Variants in ZNF234 observed in about 807,000 individuals in gnomAD.
ZNF234 encodes zinc finger protein 234, also known as C2-H2 type zinc finger protein.
A neutral mutation model predicts 10.3 loss-of-function variants in ZNF234; 4 were observed. The observed-to-expected ratio is 0.39, with a 90% CI of 0.19 to 0.89. ZNF234 has a LOEUF of 0.89. Ranked by LOEUF, ZNF234 falls within the 40% of genes least tolerant of loss-of-function variation. ZNF234 has a pLI of 0.38. For synonymous variants in ZNF234, 258 were observed against 280.1 expected, an observed-to-expected ratio of 0.92 and a Z score of 0.79; for missense variants, 711 against 836.1, an observed-to-expected ratio of 0.85 and a Z score of 1.85.
Position 44,143,760 on chromosome 19 carries a change from C to T in ZNF234, c.-76-797C>T, listed in dbSNP as rs147784876. Among the ~76,000 whole-genome samples, 141 of 152,198 alleles carry T rather than the reference C, an allele frequency of 9.3e-4. 3 individuals carry two copies. In the East Asian group the frequency reaches 0.02, roughly 22 times the overall value. On this transcript the variant is annotated intron_variant, in intron 2 of 5. Coordinates refer to ENST00000426739, the MANE Select transcript of ZNF234 (RefSeq NM_006630.3). ...CCAGGAGGAGAAGGTTGCAGTGAGC[C>T]AAGATTGCACCACTGCTCTCCAGCC...
chr19:44,150,601 CCT>C (rs761449696), intron 5 of ZNF234, 96 bp downstream of exon 5: 20 of 981,278 alleles, frequency 2.0e-5, no homozygotes, highest in Non-Finnish European at 2.9e-5. Flanking sequence ...AATTGCCAAA[CCT>C]CTGTCCTGGA....
In ZNF234 at chr19:44,156,184, C is replaced by T. The variant is rs1471323398; in HGVS notation, c.236-68C>T. The T allele has an allele frequency of 7.0e-6, 10 of 1,424,968 alleles. No homozygotes were observed. In the South Asian group the frequency reaches 7.1e-5, roughly 10 times the overall value. The allele number at this position is 1,424,968 out of a possible 1,614,324, so 88.3% of individuals were successfully genotyped here. A position where few individuals can be genotyped will look rare whatever the true frequency, so the allele number is the denominator to read the frequency against. ...TGGATTTGTTAAAATCGCATGCTCTCGCCTAAGTATGACATCTTGAAAACT... is the reference window on the plus strand; with the variant it reads ...TGGATTTGTTAAAATCGCATGCTCTTGCCTAAGTATGACATCTTGAAAACT... On this transcript the variant is annotated intron_variant, in intron 5 of 5. Transcript: ENST00000426739.
intron 3 of ZNF234, among the ~76,000 whole-genome samples, chr19:44,148,530 C>G (rs1330483336): frequency 6.6e-6 from 1 of 152,106 alleles, no homozygotes; most frequent in Non-Finnish European, 1.5e-5. Context: ...TGGTTACTTA[C>G]AAATAGACTC....
At position 44,157,291 on chromosome 19, in the gene ZNF234, A is replaced by C; in HGVS notation, c.1275A>C (p.Glu425Asp). ...TGCATCTGGTAGTCCACACAGGGGA[A>C]AAACCCTATAAATGTGAAGTATGTG... ...YQVHLVVHTG[E>D]KPYKCEVCGK... is the part of the protein sequence containing the mutation. The change falls in exon 6 of 6, where the codon GAA (glutamate) becomes GAC (aspartate). Residue 425 changes from glutamate to aspartate, a missense_variant. By Grantham distance (45) the Glu-to-Asp change is conservative (BLOSUM62 2). Coordinates refer to ENST00000426739, the MANE Select transcript of ZNF234 (RefSeq NM_006630.3). 6.2e-7 allele frequency: 1 copy of C among 1,613,788 alleles called. No individual in the cohort carries two copies. Among genetic ancestry groups the C allele is most frequent in the Non-Finnish European group, 8.5e-7 (1 of 1,179,860 alleles).
At chr19:44,146,760 T>C (rs1429001591) in intron 3 of ZNF234, among the ~76,000 whole-genome samples, 1 of 151,902 alleles carries the variant, frequency 6.6e-6, no homozygotes, top group African/African-American at 2.4e-5. Flanking sequence ...AACCTGCTTT[T>C]GGTCATCATA....
chr19:44,144,877 G>A (rs532435306), intron 3 of ZNF234, among the ~76,000 whole-genome samples: 1 of 152,286 alleles, frequency 6.6e-6, no homozygotes, highest in Non-Finnish European at 1.5e-5. Context: ...TTTTGCATTT[G>A]TGGATTCAAC....
intron 5 of ZNF234, among the ~76,000 whole-genome samples, chr19:44,151,751 T>C (rs1475956047): frequency 6.6e-6 from 1 of 152,136 alleles, no homozygotes; most frequent in African/African-American, 2.4e-5. Context: ...GCAACAGTGC[T>C]TCTCTGATCA....
intron 5 of ZNF234, among the ~76,000 whole-genome samples, chr19:44,152,691 T>TC (rs932797521): frequency 4.6e-5 from 7 of 152,008 alleles, no homozygotes; most frequent in African/African-American, 1.7e-4. Flanking sequence ...CTGAGATAGC[T>TC]CCCCCCACAA....
intron 5 of ZNF234, among the ~76,000 whole-genome samples, chr19:44,152,327 T>C (rs147071984): frequency 6.6e-6 from 1 of 152,334 alleles, no homozygotes; most frequent in Non-Finnish European, 1.5e-5. Context: ...CAGATATCTG[T>C]TAATATAAAT....
chr19:44,155,463 C>CT (rs1968854978), intron 5 of ZNF234, among the ~76,000 whole-genome samples: 3 of 151,970 alleles, frequency 2.0e-5, no homozygotes, highest in African/African-American at 4.8e-5. Context: ...AGGAAGAATT[C>CT]TTTATTCTTA....
At chr19:44,143,717 C>A (rs2147600532) in intron 2 of ZNF234, among the ~76,000 whole-genome samples, 1 of 152,156 alleles carries the variant, frequency 6.6e-6, no homozygotes, top group South Asian at 2.1e-4. Context: ...GTGGCTGAGG[C>A]ATGAGAATCG....
intron 5 of ZNF234, among the ~76,000 whole-genome samples, chr19:44,151,384 A>G (rs7248054): frequency 0.47 from 71,929 of 151,698 alleles, 19,973 homozygotes; most frequent in African/African-American, 0.79. Context: ...TGTATTTTTT[A>G]TAGAGACAGG....
rs1196220390 is a variant in ZNF234 at position 44,158,345 on chromosome 19, C to T, written c.*226C>T. The T allele has an allele frequency of 3.9e-6, 2 of 516,538 alleles. No individual in the cohort carries two copies. The highest frequency in any genetic ancestry group is 7.0e-6 in the Non-Finnish European group (2 of 285,618). 32.0% of individuals were successfully genotyped at this position (516,538 alleles called of 1,614,324 possible). On this transcript the variant is annotated 3_prime_UTR_variant, in exon 6 of 6. Transcript: ENST00000426739. ...CTATCTCAGCTCACTGTAACCTCCACTTCCCGGGTTCAAGTGATTCTCCTG... is the reference window on the plus strand; with the variant it reads ...CTATCTCAGCTCACTGTAACCTCCATTTCCCGGGTTCAAGTGATTCTCCTG...
At chr19:44,146,359 A>G (rs1003947497) in intron 3 of ZNF234, among the ~76,000 whole-genome samples, 1 of 152,186 alleles carries the variant, frequency 6.6e-6, no homozygotes, top group Non-Finnish European at 1.5e-5. Flanking sequence ...GCTGGGTCAA[A>G]TGGTATTTCT....
In ZNF234 at chr19:44,158,148, C is replaced by T; in HGVS notation, c.*29C>T. The T allele has an allele frequency of 6.3e-7, 1 of 1,579,606 alleles. No individual in the cohort carries two copies. Among genetic ancestry groups the T allele is most frequent in the Non-Finnish European group, 8.6e-7 (1 of 1,167,530 alleles). Reference sequence around the variant, plus strand: ...AAAAAAAAAAAACAGAACTCATGTACAACCTGAATGCTTGTAATTAGATTT... The same window carrying T: ...AAAAAAAAAAAACAGAACTCATGTATAACCTGAATGCTTGTAATTAGATTT... On this transcript the variant is annotated 3_prime_UTR_variant, in exon 6 of 6. Transcript: ENST00000426739.
chr19:44,153,165 C>CCTATATATATATATAT (rs1968786560), intron 5 of ZNF234, among the ~76,000 whole-genome samples: 1 of 97,870 alleles, frequency 1.0e-5, no homozygotes, highest in African/African-American at 4.3e-5. Flanking sequence ...ATGTATTCAT[C>CCTATATATATATATAT]ATATATATAT....
chr19:44,152,629 C>T (rs368047918), intron 5 of ZNF234, among the ~76,000 whole-genome samples: 1 of 152,192 alleles, frequency 6.6e-6, no homozygotes, highest in African/African-American at 2.4e-5. Context: ...ATATGGAACA[C>T]ATTCATTTCT....
chr19:44,156,595 T>G lies in ZNF234; in HGVS notation c.579T>G (p.Ile193Met). The change falls in exon 6 of 6, where the codon ATT becomes ATG. Residue 193 changes from isoleucine to methionine, a missense_variant. Transcript: ENST00000426739. ...TCTGTTACATCTCAGCCCTTCATAT[T>G]CATCAAAGAGTCCACATGGGAGAGA... ...KSFCYISALH[I>M]HQRVHMGEKC... 6.2e-7 allele frequency: 1 copy of G among 1,614,160 alleles called. No homozygotes were observed. Among genetic ancestry groups the G allele is most frequent in the Non-Finnish European group, 8.5e-7 (1 of 1,180,026 alleles).
Position 44,156,554 on chromosome 19 carries a change from G to T in ZNF234, c.538G>T (p.Glu180Ter), listed in dbSNP as rs1349525243. The change falls in exon 6 of 6, where the codon GAG becomes TAG. Residue 180 changes from glutamate to a stop codon, truncating the protein, a stop_gained. Coordinates refer to ENST00000426739, the MANE Select transcript of ZNF234 (RefSeq NM_006630.3). LOFTEE classifies it low-confidence loss of function (END_TRUNC). Reference sequence around the variant, plus strand: ...AGGAGAGAAGTCTCATACATGTGATGAGTGTGGAAAAAGCTTCTGTTACAT... The same window carrying T: ...AGGAGAGAAGTCTCATACATGTGATTAGTGTGGAAAAAGCTTCTGTTACAT... ...HSGEKSHTCD[E>*]CGKSFCYISA... 6.2e-7 allele frequency: 1 copy of T among 1,614,238 alleles called. No homozygotes were observed. Among genetic ancestry groups the T allele is most frequent in the East Asian group, 2.2e-5 (1 of 44,880 alleles).
Sources: allele counts gnomAD v4.1 joint callset (sites outside exome capture counted in the v4.1 genomes callset), GRCh38; gene constraint gnomAD v4.1.1; transcripts MANE v1.5; gene names NCBI Gene and HGNC (gene_info 2026-07-23, HGNC 2026-07-21).